The following MSRA variants were observed in gnomAD, a reference collection of about 807,000 sequenced individuals.
MSRA encodes the protein mitochondrial peptide methionine sulfoxide reductase.
Under a neutral mutation model 31.3 loss-of-function variants are expected in MSRA, and 54 were observed. The observed-to-expected ratio is 1.73, with a 90% CI of 1.39 to 2.17. The LOEUF (loss-of-function observed/expected upper bound fraction) is 2.17. Among genes scored for constraint, MSRA ranks in the 30% most tolerant of loss-of-function variants. MSRA has a pLI of 0.00. For synonymous variants in MSRA, 169 were observed against 116.5 expected, an observed-to-expected ratio of 1.45 and a Z score of -2.90; for missense variants, 507 against 300.9, an observed-to-expected ratio of 1.69 and a Z score of -5.07.
chr8:10,066,555 C>T (rs183783689), intron 1 of MSRA, among the ~76,000 whole-genome samples: 236 of 152,062 alleles, frequency 1.6e-3, no homozygotes, highest in Middle Eastern at 3.4e-3. Context: ...TTTTTTGAGA[C>T]GGAGTTTCAC....
chr8:10,229,771 A>G (rs1811308951), intron 2 of MSRA, among the ~76,000 whole-genome samples: 2 of 152,240 alleles, frequency 1.3e-5, no homozygotes, highest in South Asian at 4.1e-4. Context: ...TTCAGCACGT[A>G]AGTCTGATGG....
At chr8:10,363,015 C>T (rs1473095630) in intron 5 of MSRA, among the ~76,000 whole-genome samples, 1 of 152,204 alleles carries the variant, frequency 6.6e-6, no homozygotes. Context: ...TAAGAACACT[C>T]ATAAGAAATG....
chr8:10,116,720 C>T (rs1403010176), intron 1 of MSRA, among the ~76,000 whole-genome samples: 3 of 152,110 alleles, frequency 2.0e-5, no homozygotes, highest in Non-Finnish European at 2.9e-5. Context: ...GTAATCTCAG[C>T]ACTTTGGGAG....
At chr8:10,361,541 C>G (rs1463719901) in intron 5 of MSRA, among the ~76,000 whole-genome samples, 1 of 152,070 alleles carries the variant, frequency 6.6e-6, no homozygotes, top group African/African-American at 2.4e-5. Context: ...CAAGCCAGTC[C>G]TTGCATTTTA....
intron 5 of MSRA, among the ~76,000 whole-genome samples, chr8:10,427,707 C>T (rs750677768): frequency 2.5e-4 from 38 of 152,176 alleles, no homozygotes; most frequent in Admixed American, 2.6e-4. Context: ...ACCCTGTCCA[C>T]CCGTTTCATT....
At chr8:10,286,974 T>A (rs1157981143) in intron 3 of MSRA, among the ~76,000 whole-genome samples, 3 of 152,142 alleles carry the variant, frequency 2.0e-5, no homozygotes, top group African/African-American at 7.2e-5. Context: ...CTCAGAGAGG[T>A]TAAGCGATTC....
At chr8:10,130,445 G>C (rs564183469) in intron 1 of MSRA, among the ~76,000 whole-genome samples, 60 of 152,296 alleles carry the variant, frequency 3.9e-4, no homozygotes, top group African/African-American at 1.4e-3. Context: ...TCAGATCTGA[G>C]GGCATTGTGA....
In MSRA at chr8:10,428,704, G is replaced by A. The variant is rs1174547339; in HGVS notation, c.*392G>A. 4.5e-6 allele frequency: 1 copy of A among 223,270 alleles called. No homozygotes were observed. The highest frequency in any genetic ancestry group is 2.4e-5 in the African/African-American group (1 of 42,198). 13.8% of individuals were successfully genotyped at this position (223,270 alleles called of 1,614,324 possible). On this transcript the variant is annotated 3_prime_UTR_variant, in exon 6 of 6. Coordinates refer to ENST00000317173, the MANE Select transcript of MSRA (RefSeq NM_012331.5). ...GCCTTACAATTTGCAAACGTGTATAGCCTCAGTGACTCATTCGCTGAAATC... is the reference window on the plus strand; with the variant it reads ...GCCTTACAATTTGCAAACGTGTATAACCTCAGTGACTCATTCGCTGAAATC...
At chr8:10,277,134 A>G (rs946027729) in intron 3 of MSRA, among the ~76,000 whole-genome samples, 1 of 152,250 alleles carries the variant, frequency 6.6e-6, no homozygotes, top group Non-Finnish European at 1.5e-5. Flanking sequence ...TGTTTTAAAA[A>G]TGTCCTTAAT....
chr8:10,116,193 T>C (rs1016259149), intron 1 of MSRA, among the ~76,000 whole-genome samples: 6 of 152,230 alleles, frequency 3.9e-5, no homozygotes, highest in African/African-American at 1.4e-4. Context: ...GTGGGCCACA[T>C]GTGGCCCAGG....
intron 1 of MSRA, among the ~76,000 whole-genome samples, chr8:10,133,412 A>C (rs141865391): frequency 2.0e-5 from 3 of 152,170 alleles, no homozygotes; most frequent in African/African-American, 7.2e-5. Flanking sequence ...TGCTTGGCTA[A>C]CGCCTCAGTG....
intron 1 of MSRA, among the ~76,000 whole-genome samples, chr8:10,079,665 GTCC>G (rs1563408519): frequency 1.3e-5 from 2 of 152,124 alleles, no homozygotes; most frequent in Non-Finnish European, 2.9e-5. Context: ...ACCTTTCTTA[GTCC>G]TTCATATTTG....
chr8:10,427,232 G>T (rs570821641), intron 5 of MSRA, among the ~76,000 whole-genome samples: 2 of 152,254 alleles, frequency 1.3e-5, no homozygotes, highest in South Asian at 4.1e-4. Flanking sequence ...CTCTGTGGCC[G>T]TGTGCTCACA....
At chr8:10,067,442 A>T (rs748790272) in intron 1 of MSRA, among the ~76,000 whole-genome samples, 1 of 152,236 alleles carries the variant, frequency 6.6e-6, no homozygotes, top group South Asian at 2.1e-4. Context: ...TGCATCACTT[A>T]CATGGGGATC....
At chr8:10,228,738 T>C (rs1450020951) in intron 2 of MSRA, among the ~76,000 whole-genome samples, 2 of 152,228 alleles carry the variant, frequency 1.3e-5, no homozygotes, top group Admixed American at 1.3e-4. Context: ...CTAACCTCTC[T>C]GAATCTCTGT....
At chr8:10,103,647 A>G (rs567124533) in intron 1 of MSRA, among the ~76,000 whole-genome samples, 1 of 152,200 alleles carries the variant, frequency 6.6e-6, no homozygotes, top group Non-Finnish European at 1.5e-5. Flanking sequence ...ATGGATAAAG[A>G]TAATGTACCT....
chr8:10,342,265 G>A (rs147824713), intron 5 of MSRA, among the ~76,000 whole-genome samples: 15 of 152,082 alleles, frequency 9.9e-5, no homozygotes, highest in Middle Eastern at 3.4e-3. Flanking sequence ...AAAAATTATT[G>A]AGGACCCCAA....
At chr8:10,418,815 T>TAAAA (rs71203323) in intron 5 of MSRA, among the ~76,000 whole-genome samples, 28,636 of 65,792 alleles carry the variant, frequency 0.44, 6,900 homozygotes, top group East Asian at 0.68. Context: ...TTACTACGAC[T>TAAAA]AAAAAAAAAA....
intron 1 of MSRA, among the ~76,000 whole-genome samples, chr8:10,081,582 C>T (rs1044158478): frequency 5.3e-5 from 8 of 152,128 alleles, no homozygotes; most frequent in African/African-American, 1.7e-4. Flanking sequence ...CTCCGCCTCC[C>T]GGGTTGAAGC....
Sources: allele counts gnomAD v4.1 joint callset (sites outside exome capture counted in the v4.1 genomes callset), GRCh38; gene constraint gnomAD v4.1.1; transcripts MANE v1.5; gene names NCBI Gene and HGNC (gene_info 2026-07-23, HGNC 2026-07-21).